Variants in NBAS observed in about 807,000 individuals in gnomAD.
NBAS encodes the protein NAG/BC035112 fusion.
A neutral mutation model predicts 302.5 loss-of-function variants in NBAS; 219 were observed. The observed-to-expected ratio is 0.72, with a 90% CI of 0.65 to 0.81. The LOEUF (loss-of-function observed/expected upper bound fraction) is 0.81. Among genes scored for constraint, NBAS ranks in the 30% least tolerant of loss-of-function variants. NBAS has a pLI of 0.00. For missense variants in NBAS, 2,932 were observed against 2,841.6 expected, an observed-to-expected ratio of 1.03 and a Z score of -0.72; for synonymous variants, 1,118 against 1,021.6, an observed-to-expected ratio of 1.09 and a Z score of -1.80.
chr2:14,815,938 A>G, the NBAS span, among the ~76,000 whole-genome samples: 1 of 152,210 alleles, frequency 6.6e-6, no homozygotes, highest in Non-Finnish European at 1.5e-5. Flanking sequence ...ATTAAATACT[A>G]AAATTTTTAC....
At chr2:15,219,131 T>A (rs1270984610) in intron 47 of NBAS, among the ~76,000 whole-genome samples, 163 bp from the exon 48 acceptor site, 2 of 152,240 alleles carry the variant, frequency 1.3e-5, no homozygotes, top group Non-Finnish European at 2.9e-5. Context: ...TACAGCGAAC[T>A]GTATTAGGTA....
chr2:14,847,677 T>A, the NBAS span, among the ~76,000 whole-genome samples: 2 of 152,148 alleles, frequency 1.3e-5, no homozygotes, highest in Admixed American at 6.5e-5. Context: ...TAGACTCCAA[T>A]ATTAGCTGAA....
At chr2:15,343,900 C>T (rs986878416) in intron 35 of NBAS, among the ~76,000 whole-genome samples, 3 of 148,876 alleles carry the variant, frequency 2.0e-5, no homozygotes, top group African/African-American at 7.4e-5. Flanking sequence ...ACCTCAAAAG[C>T]CAGCATTAAG....
intron 9 of NBAS, among the ~76,000 whole-genome samples, chr2:15,518,858 C>G (rs1228273356): frequency 6.6e-6 from 1 of 152,090 alleles, no homozygotes; most frequent in East Asian, 1.9e-4. Flanking sequence ...TGCAGAGAAA[C>G]TCCCATTTTT....
At chr2:15,505,644 T>A (rs920939033) in intron 10 of NBAS, among the ~76,000 whole-genome samples, 2 of 152,168 alleles carry the variant, frequency 1.3e-5, no homozygotes, top group Non-Finnish European at 2.9e-5. Context: ...AACCTACCAA[T>A]CTTGTAAAGT....
chr2:15,139,268 AG>A, the NBAS span, among the ~76,000 whole-genome samples: 1 of 152,200 alleles, frequency 6.6e-6, no homozygotes, highest in Non-Finnish European at 1.5e-5. Context: ...CCAGGAAAAA[AG>A]GAATGGTCTG....
chr2:15,359,816 A>T (rs1300263454), intron 32 of NBAS, among the ~76,000 whole-genome samples: 2 of 150,552 alleles, frequency 1.3e-5, no homozygotes, highest in Admixed American at 1.3e-4. Context: ...TGCACATAAT[A>T]GAAAGGCTCA....
At chr2:15,541,563 T>C (rs141807283) in intron 6 of NBAS, among the ~76,000 whole-genome samples, 2 of 152,076 alleles carry the variant, frequency 1.3e-5, no homozygotes, top group African/African-American at 4.8e-5. Context: ...ATCAATAGGT[T>C]AAAAGTATAC....
the NBAS span, among the ~76,000 whole-genome samples, chr2:15,131,970 C>G: frequency 6.6e-6 from 1 of 152,200 alleles, no homozygotes; most frequent in Non-Finnish European, 1.5e-5. Flanking sequence ...GGGATCCACC[C>G]CGTGGTCCAA....
intron 49 of NBAS, 77 bp downstream of exon 49, chr2:15,190,187 T>C: frequency 6.6e-7 from 1 of 1,514,846 alleles, no homozygotes; most frequent in Admixed American, 1.7e-5. Context: ...CATTGGCTCT[T>C]TGGAAGGTGC....
the NBAS span, among the ~76,000 whole-genome samples, chr2:14,834,130 G>T: frequency 3.3e-5 from 5 of 152,126 alleles, no homozygotes; most frequent in East Asian, 9.7e-4. Context: ...TTAGGAATCT[G>T]GTCTTTCTGT....
rs1191283662 is a variant in NBAS at position 15,330,569 on chromosome 2, G to A, written c.4347+29C>T. 1.9e-6 allele frequency: 3 copies of A among 1,612,450 alleles called. No individual in the cohort carries two copies. The African/African-American group carries it at 4.0e-5, about 22-fold the overall frequency. Reference sequence around the variant, plus strand: ...ATGAATTTATATAAACCATGCAGTTGATTTTAAAAAGAAAGATGCACTGCT... The same window carrying A: ...ATGAATTTATATAAACCATGCAGTTAATTTTAAAAAGAAAGATGCACTGCT... On this transcript the variant is annotated intron_variant, in intron 36 of 51. Coordinates refer to ENST00000281513, the MANE Select transcript of NBAS (RefSeq NM_015909.4).
chr2:15,172,885 C>T (rs1436424700), intron 51 of NBAS, among the ~76,000 whole-genome samples: 1 of 152,202 alleles, frequency 6.6e-6, no homozygotes, highest in Non-Finnish European at 1.5e-5. Flanking sequence ...GGTTCTGTCA[C>T]TAAACAACTG....
chr2:14,905,786 G>C, the NBAS span, among the ~76,000 whole-genome samples: 51,740 of 151,954 alleles, frequency 0.34, 10,258 homozygotes, highest in African/African-American at 0.56. Context: ...TGAATGGGTG[G>C]GTTGCCTCTT....
At chr2:15,246,070 G>C (rs904460078) in intron 44 of NBAS, among the ~76,000 whole-genome samples, 1 of 152,180 alleles carries the variant, frequency 6.6e-6, no homozygotes, top group Admixed American at 6.5e-5. Context: ...TAAGGAATCT[G>C]ACTTGGAAGC....
At chr2:15,523,756 A>G (rs189997648) in intron 9 of NBAS, among the ~76,000 whole-genome samples, 3 of 152,276 alleles carry the variant, frequency 2.0e-5, no homozygotes, top group Non-Finnish European at 2.9e-5. Flanking sequence ...TCTACTAAAA[A>G]TACAAAAATT....
At chr2:14,827,039 A>T in the NBAS span, among the ~76,000 whole-genome samples, 1 of 152,250 alleles carries the variant, frequency 6.6e-6, no homozygotes, top group Non-Finnish European at 1.5e-5. Flanking sequence ...TAATTAAGAA[A>T]GGTTAATGAG....
chr2:15,353,710 C>T lies in NBAS; in HGVS notation c.3932G>A (p.Gly1311Asp). ...ACAAACATCCCAACTTTTAGGATAACCTGCAAAATTGGCAAGGAAAAAAAT... is the reference window on the plus strand; with the variant it reads ...ACAAACATCCCAACTTTTAGGATAATCTGCAAAATTGGCAAGGAAAAAAAT... ...SMHCQELMAT[G>D]YPKSWDVCSQ... Residue 1311 changes from glycine to aspartate, a missense_variant and splice_region_variant, in exon 34 of 52, where the codon GGT becomes GAT. Coordinates refer to ENST00000281513, the MANE Select transcript of NBAS (RefSeq NM_015909.4). 4 of 1,613,902 alleles carry T rather than the reference C, an allele frequency of 2.5e-6. No homozygotes were observed. Among genetic ancestry groups the T allele is most frequent in the Non-Finnish European group, 2.5e-6 (3 of 1,179,914 alleles).
chr2:15,521,439 A>G (rs1662666684), intron 9 of NBAS, among the ~76,000 whole-genome samples: 1 of 152,104 alleles, frequency 6.6e-6, no homozygotes, highest in South Asian at 2.1e-4. Context: ...GCTTTCATTT[A>G]TTTACTGAGA....
Sources: allele counts gnomAD v4.1 joint callset (sites outside exome capture counted in the v4.1 genomes callset), GRCh38; gene constraint gnomAD v4.1.1; transcripts MANE v1.5; gene names NCBI Gene and HGNC (gene_info 2026-07-23, HGNC 2026-07-21).